The following ASIC2 variants were observed in gnomAD, a reference collection of about 807,000 sequenced individuals.
ASIC2 encodes the protein acid-sensing ion channel 2.
In ASIC2, 25 loss-of-function variants were observed where a neutral mutation model predicts 57.3. That is an observed-to-expected ratio of 0.44 (90% CI 0.32 to 0.61). The LOEUF (loss-of-function observed/expected upper bound fraction) is 0.61, where lower values mean the gene tolerates loss of function less well. Among genes scored for constraint, ASIC2 ranks in the 20% least tolerant of loss-of-function variants. The pLI, the probability that ASIC2 is intolerant of heterozygous loss-of-function variation, is 0.06. For missense variants in ASIC2, 641 were observed against 738.1 expected (o/e 0.87, Z 1.52); for synonymous variants, 319 against 307.5 (o/e 1.04, Z -0.39).
intron 1 of ASIC2, among the ~76,000 whole-genome samples, chr17:33,709,318 A>G (rs1908956245): frequency 6.6e-6 from 1 of 152,222 alleles, no homozygotes; most frequent in Admixed American, 6.5e-5. Context: ...ATCCCCAGAA[A>G]CTGTGAATGT....
intron 1 of ASIC2, among the ~76,000 whole-genome samples, chr17:34,130,956 A>G (rs917582440): frequency 6.6e-6 from 1 of 152,242 alleles, no homozygotes; most frequent in African/African-American, 2.4e-5. Context: ...TACAGCGAGT[A>G]GGGAGAGATC....
intron 1 of ASIC2, among the ~76,000 whole-genome samples, chr17:33,269,661 TC>T (rs2142155806): frequency 3.8e-5 from 3 of 79,180 alleles, no homozygotes; most frequent in African/African-American, 8.7e-5. Flanking sequence ...CTTCCTTCCT[TC>T]CTTCCTTCCT....
chr17:33,908,055 C>A (rs34192986), intron 1 of ASIC2, among the ~76,000 whole-genome samples: 2 of 152,182 alleles, frequency 1.3e-5, no homozygotes, highest in Non-Finnish European at 2.9e-5. Context: ...ACAGACTGTA[C>A]GGAGAAATTT....
At chr17:33,582,306 T>G (rs969631113) in intron 1 of ASIC2, among the ~76,000 whole-genome samples, 2 of 152,220 alleles carry the variant, frequency 1.3e-5, no homozygotes, top group Non-Finnish European at 2.9e-5. Context: ...TCAATAAATA[T>G]AAGTGAATGA....
At chr17:33,753,268 C>CA (rs1910489053) in intron 1 of ASIC2, among the ~76,000 whole-genome samples, 1 of 151,182 alleles carries the variant, frequency 6.6e-6, no homozygotes, top group African/African-American at 2.4e-5. Context: ...ACTATGGAGA[C>CA]AGTAAGAAAA....
chr17:33,710,206 C>A (rs760890598), intron 1 of ASIC2, among the ~76,000 whole-genome samples: 2 of 152,218 alleles, frequency 1.3e-5, no homozygotes, highest in Non-Finnish European at 2.9e-5. Context: ...ACACAACTGC[C>A]TAGTCTGTTT....
chr17:33,042,965 C>T (rs1255449746), intron 3 of ASIC2, among the ~76,000 whole-genome samples: 4 of 151,554 alleles, frequency 2.6e-5, no homozygotes, highest in Admixed American at 6.6e-5. Context: ...TCTCTTCCAT[C>T]GCCCAGGCTG....
At chr17:33,604,963 T>G (rs1905193421) in intron 1 of ASIC2, among the ~76,000 whole-genome samples, 1 of 152,090 alleles carries the variant, frequency 6.6e-6, no homozygotes, top group Non-Finnish European at 1.5e-5. Flanking sequence ...ATCTCCTGGG[T>G]CAGTGGTTGT....
chr17:33,324,671 C>T lies in ASIC2; in HGVS notation c.556-212604G>A, dbSNP rs116102286. 6.7e-3 allele frequency among the ~76,000 whole-genome samples: 1,014 copies of T among 152,232 alleles called. 10 individuals are homozygous for T. The highest frequency in any genetic ancestry group is 0.022 in the African/African-American group (921 of 41,532). On this transcript the variant is annotated intron_variant, in intron 1 of 9. Coordinates refer to the ASIC2 transcript ENST00000359872. ...CTCAGCATTTCCTGTCATCCCTTGG[C>T]CAAGTCACTGAACCCACCTTTGTGT... is the stretch of plus-strand genomic sequence containing the variant.
intron 1 of ASIC2, among the ~76,000 whole-genome samples, chr17:33,954,241 C>T (rs12950606): frequency 4.6e-5 from 7 of 152,140 alleles, no homozygotes; most frequent in African/African-American, 4.8e-5. Flanking sequence ...CGTGCCCCAG[C>T]CCTGAGATGG....
chr17:33,361,817 C>T (rs1364816228), intron 1 of ASIC2, among the ~76,000 whole-genome samples: 2 of 152,164 alleles, frequency 1.3e-5, no homozygotes, highest in African/African-American at 4.8e-5. Context: ...CTTGCCCTTG[C>T]TAATGTAACA....
At chr17:33,438,011 G>T (rs946604730) in intron 1 of ASIC2, among the ~76,000 whole-genome samples, 20 of 152,082 alleles carry the variant, frequency 1.3e-4, no homozygotes, top group Non-Finnish European at 2.5e-4. Flanking sequence ...CTGAGTAGAG[G>T]TCTCCTTGTA....
At chr17:33,583,498 C>T (rs1422530258) in intron 1 of ASIC2, among the ~76,000 whole-genome samples, 1 of 152,136 alleles carries the variant, frequency 6.6e-6, no homozygotes, top group Non-Finnish European at 1.5e-5. Context: ...AATGTATGCC[C>T]CAACCATGAC....
chr17:34,056,602 C>A (rs1161906018), intron 1 of ASIC2, among the ~76,000 whole-genome samples: 1 of 152,110 alleles, frequency 6.6e-6, no homozygotes, highest in Non-Finnish European at 1.5e-5. Flanking sequence ...CCAAATCAAC[C>A]TAAAAAGTGA....
chr17:33,167,350 A>C (rs1238797586), intron 1 of ASIC2, among the ~76,000 whole-genome samples: 1 of 152,104 alleles, frequency 6.6e-6, no homozygotes, highest in Non-Finnish European at 1.5e-5. Context: ...TTGCTAAGTC[A>C]CAGAGGTCCT....
chr17:33,324,062 T>C (rs1906972149), intron 1 of ASIC2, among the ~76,000 whole-genome samples: 1 of 152,172 alleles, frequency 6.6e-6, no homozygotes, highest in South Asian at 2.1e-4. Context: ...CAGAGGCATA[T>C]TGTAAGGGCT....
At chr17:33,669,112 A>T (rs1302528424) in intron 1 of ASIC2, among the ~76,000 whole-genome samples, 2 of 152,134 alleles carry the variant, frequency 1.3e-5, no homozygotes, top group African/African-American at 4.8e-5. Context: ...TTTCTTTTGC[A>T]CTTGGTTGTT....
At chr17:33,291,336 C>A (rs1210459692) in intron 1 of ASIC2, 72 bp downstream of exon 1, 1 of 1,507,646 alleles carries the variant, frequency 6.6e-7, no homozygotes. Context: ...CCCGAGGGGG[C>A]GGAACACCAG....
chr17:33,856,482 G>GTAATA (rs1913936947), intron 1 of ASIC2, among the ~76,000 whole-genome samples: 1 of 15,666 alleles, frequency 6.4e-5, no homozygotes, highest in Non-Finnish European at 1.7e-4. Context: ...TGGTGGTGGT[G>GTAATA]GCAGTAGTAA....
Sources: allele counts gnomAD v4.1 joint callset (sites outside exome capture counted in the v4.1 genomes callset), GRCh38; gene constraint gnomAD v4.1.1; transcripts MANE v1.5; gene names NCBI Gene and HGNC (gene_info 2026-07-23, HGNC 2026-07-21).